The following OR51B5 variants were observed in gnomAD, a reference collection of about 807,000 sequenced individuals.
OR51B5 encodes olfactory receptor 51B5.
For missense variants in OR51B5, 456 were observed against 374.6 expected (o/e 1.22, Z -1.79); for synonymous variants, 186 against 144.8 (o/e 1.28, Z -2.04).
At chr11:5,373,625 C>A (rs939881141) in intron 1 of OR51B5, among the ~76,000 whole-genome samples, 7 of 152,144 alleles carry the variant, frequency 4.6e-5, no homozygotes, top group African/African-American at 1.4e-4. Context: ...CACTCCCACC[C>A]GAATACTGTG....
rs564329929 is a variant in OR51B5, at chr11:5,366,354, C to A, written n.85-19444G>T. On this transcript the variant is annotated intron_variant and non_coding_transcript_variant, in intron 1 of 4. Transcript: ENST00000415970. ...TACATTACAGACTCATGCCTGTAAT[C>A]CCAGCACTTTGGGTGGCTGAGGCAG... 2.6e-5 allele frequency among the ~76,000 whole-genome samples: 4 copies of A among 152,212 alleles called. No homozygotes were observed. In the South Asian group the frequency reaches 8.3e-4, roughly 32 times the overall value.
chr11:5,372,292 G>T (rs1022118521), intron 1 of OR51B5, among the ~76,000 whole-genome samples: 1 of 152,150 alleles, frequency 6.6e-6, no homozygotes, highest in Non-Finnish European at 1.5e-5. Flanking sequence ...ATACAGCAGA[G>T]AAATTTCTTC....
At chr11:5,344,050 A>T (rs1262223265), upstream of OR51B5, among the ~76,000 whole-genome samples, 1 of 152,168 alleles carries the variant, frequency 6.6e-6, no homozygotes, top group Non-Finnish European at 1.5e-5. Flanking sequence ...GGGAAGAGAA[A>T]CTCTGCCACT....
At chr11:5,384,962 T>A (rs1248477788) in intron 1 of OR51B5, among the ~76,000 whole-genome samples, 1 of 152,218 alleles carries the variant, frequency 6.6e-6, no homozygotes, top group African/African-American at 2.4e-5. Flanking sequence ...GTCTTTTGCA[T>A]ATTCTCCTAT....
At chr11:5,377,989 G>T (rs1202184240) in intron 1 of OR51B5, among the ~76,000 whole-genome samples, 1 of 151,770 alleles carries the variant, frequency 6.6e-6, no homozygotes, top group Non-Finnish European at 1.5e-5. Context: ...CCAAAAAAGA[G>T]CCTGCATTGC....
intron 1 of OR51B5, among the ~76,000 whole-genome samples, chr11:5,421,118 G>A (rs561949647): frequency 2.0e-5 from 3 of 152,350 alleles, no homozygotes; most frequent in Non-Finnish European, 2.9e-5. Context: ...CTAACTTATT[G>A]CTCTGTGAGG....
chr11:5,402,770 A>G (rs1849990934), intron 1 of OR51B5: 1 of 471,466 alleles, frequency 2.1e-6, no homozygotes, highest in Non-Finnish European at 4.4e-6. Flanking sequence ...ATATTGCCCT[A>G]CATCAACCCA....
At position 5,499,136 on chromosome 11, in the gene OR51B5, T is replaced by A. The variant is rs190864236; in HGVS notation, n.84+6433A>T. On this transcript the variant is annotated intron_variant and non_coding_transcript_variant, in intron 1 of 4. Transcript: ENST00000415970. Reference sequence around the variant, plus strand: ...GGGATGACAGGGCACAAAGTTCAACTGCTTGACCTTCTGACCTAGGTTTTC... The same window carrying A: ...GGGATGACAGGGCACAAAGTTCAACAGCTTGACCTTCTGACCTAGGTTTTC... Among the ~76,000 whole-genome samples, 945 of 152,338 alleles carry A rather than the reference T, an allele frequency of 6.2e-3. 9 individuals are homozygous for A. The highest frequency in any genetic ancestry group is 0.021 in the African/African-American group (893 of 41,590).
chr11:5,395,325 G>A lies in OR51B5; in HGVS notation n.85-48415C>T, dbSNP rs371646623. Among the ~76,000 whole-genome samples, 75 of 152,324 alleles carry A rather than the reference G, an allele frequency of 4.9e-4. 1 individual carries two copies. In the East Asian group the frequency reaches 0.01, roughly 20 times the overall value. Reference sequence around the variant, plus strand: ...AGGGCTGCATGAGAAAGAAGCTACAGAGAAGAAAGGACCAGTAAGTTGCTG... The same window carrying A: ...AGGGCTGCATGAGAAAGAAGCTACAAAGAAGAAAGGACCAGTAAGTTGCTG... On this transcript the variant is annotated intron_variant and non_coding_transcript_variant, in intron 1 of 4. Coordinates refer to the OR51B5 transcript ENST00000415970.
chr11:5,436,113 G>A (rs1045914358), intron 1 of OR51B5, among the ~76,000 whole-genome samples: 4 of 152,040 alleles, frequency 2.6e-5, no homozygotes, highest in African/African-American at 7.2e-5. Context: ...TGCATCACAC[G>A]CAAAAAGTAA....
At chr11:5,477,379 C>T (rs1283842984) in intron 1 of OR51B5, among the ~76,000 whole-genome samples, 1 of 152,170 alleles carries the variant, frequency 6.6e-6, no homozygotes, top group Non-Finnish European at 1.5e-5. Context: ...CTACCGGTCA[C>T]CTTGAGGCTC....
chr11:5,505,461 G>T (rs1267091718), intron 1 of OR51B5: 1 of 1,302,204 alleles, frequency 7.7e-7, no homozygotes, highest in African/African-American at 1.5e-5. Flanking sequence ...CCCTAATGGG[G>T]AGTGGAGTGA....
intron 1 of OR51B5, among the ~76,000 whole-genome samples, chr11:5,381,998 ATC>A (rs1360558727): frequency 4.6e-5 from 7 of 152,248 alleles, no homozygotes; most frequent in African/African-American, 1.2e-4. Context: ...CCAAAATAAC[ATC>A]TGTTTCCAGT....
intron 1 of OR51B5, among the ~76,000 whole-genome samples, chr11:5,373,928 T>G (rs1384381314): frequency 1.3e-5 from 2 of 152,134 alleles, no homozygotes; most frequent in Non-Finnish European, 2.9e-5. Context: ...AAGACAGCAG[T>G]AACCTCTGCA....
Position 5,500,865 on chromosome 11 carries a change from C to G in OR51B5, n.84+4704G>C, listed in dbSNP as rs1421433599. 2.0e-5 allele frequency among the ~76,000 whole-genome samples: 3 copies of G among 148,110 alleles called. 1 individual carries two copies. Among genetic ancestry groups the G allele is most frequent in the Admixed American group, 1.4e-4 (2 of 14,300 alleles). ...TATGATCTGTCATAGCATGCATATC[C>G]CAGGTTATAGTCCTGTTTATTCCTG... On this transcript the variant is annotated intron_variant and non_coding_transcript_variant, in intron 1 of 4. Transcript: ENST00000415970.
At chr11:5,441,763 C>A (rs1359572005) in intron 1 of OR51B5, among the ~76,000 whole-genome samples, 1 of 152,056 alleles carries the variant, frequency 6.6e-6, no homozygotes, top group Non-Finnish European at 1.5e-5. Flanking sequence ...AAATGAGTGC[C>A]CATAACATAG....
intron 1 of OR51B5, chr11:5,422,056 C>T: frequency 1.5e-6 from 1 of 659,800 alleles, no homozygotes; most frequent in Non-Finnish European, 2.6e-6. Flanking sequence ...TCACAATGTT[C>T]TTAAATCTTG....
chr11:5,416,328 T>A (rs1850243358), intron 1 of OR51B5, among the ~76,000 whole-genome samples: 1 of 150,992 alleles, frequency 6.6e-6, no homozygotes, highest in African/African-American at 2.4e-5. Context: ...TCATACTGAA[T>A]GGGCAAAAAC....
At chr11:5,505,255 T>C in intron 1 of OR51B5, 5 of 1,223,226 alleles carry the variant, frequency 4.1e-6, no homozygotes, top group Non-Finnish European at 5.3e-6. Context: ...ATTAGGTTTT[T>C]TGTTTTTTTC....
Sources: allele counts gnomAD v4.1 joint callset (sites outside exome capture counted in the v4.1 genomes callset), GRCh38; gene constraint gnomAD v4.1.1; transcripts MANE v1.5; gene names NCBI Gene and HGNC (gene_info 2026-07-23, HGNC 2026-07-21).